The following ICA1 variants were observed in gnomAD, a reference collection of about 807,000 sequenced individuals.
The protein encoded by ICA1 is 69 kDa islet cell autoantigen.
In ICA1, 40 loss-of-function variants were observed where a neutral mutation model predicts 71.0. The ratio of observed to expected loss-of-function variants is 0.56; its 90% CI spans 0.44 to 0.73. The LOEUF (loss-of-function observed/expected upper bound fraction) is 0.73, where lower values mean the gene tolerates loss of function less well. Among genes scored for constraint, ICA1 ranks in the 30% least tolerant of loss-of-function variants. The pLI, the probability that ICA1 is intolerant of heterozygous loss-of-function variation, is 0.00. For missense variants in ICA1, 578 were observed against 576.5 expected (o/e 1.00, Z -0.03); for synonymous variants, 207 against 209.5 (o/e 0.99, Z 0.10).
intron 6 of ICA1, among the ~76,000 whole-genome samples, chr7:8,161,875 G>C (rs568023078): frequency 1.3e-5 from 2 of 152,182 alleles, no homozygotes; most frequent in Non-Finnish European, 2.9e-5. Flanking sequence ...TGAGTGTTAT[G>C]GTTGCTTATT....
chr7:8,160,552 C>A (rs774753119), intron 6 of ICA1, among the ~76,000 whole-genome samples: 3 of 152,182 alleles, frequency 2.0e-5, no homozygotes, highest in Admixed American at 6.5e-5. Flanking sequence ...CCCAGAAATA[C>A]AAGTTTTCCC....
intron 1 of ICA1, among the ~76,000 whole-genome samples, chr7:8,239,150 A>T (rs770681811): frequency 4.6e-5 from 7 of 152,362 alleles, no homozygotes; most frequent in Non-Finnish European, 8.8e-5. Flanking sequence ...CAGTGCTAAC[A>T]TCTCTTTTTA....
In ICA1 at chr7:8,192,310, G is replaced by A. The variant is rs565886933; in HGVS notation, c.579+25995C>T. On this transcript the variant is annotated intron_variant, in intron 6 of 13. Coordinates refer to ENST00000402384, the MANE Select transcript of ICA1 (RefSeq NM_001136020.3). ...GTTCCTGGGTCTGTCTTTTTTCAGG[G>A]CAGGTATTTTAGAGAGTGTTCCACA... Among the ~76,000 whole-genome samples, 20 of 152,126 alleles carry A rather than the reference G, an allele frequency of 1.3e-4. No individual in the cohort carries two copies. The East Asian group carries it at 3.9e-3, about 29-fold the overall frequency.
At position 8,163,964 on chromosome 7, in the gene ICA1, T is replaced by C. The variant is rs115356817; in HGVS notation, c.580-5312A>G. The stretch of plus-strand genomic sequence containing the variant: ...AGGATCCTATTTTCAGTTTGAAAGA[T>C]TACTCACTGCAGTGGGAGATGGACT... On this transcript the variant is annotated intron_variant, in intron 6 of 13. Transcript: ENST00000402384. Among the ~76,000 whole-genome samples, 642 of 152,182 alleles carry C rather than the reference T, an allele frequency of 4.2e-3. 1 individual carries two copies. Among genetic ancestry groups the C allele is most frequent in the African/African-American group, 0.015 (625 of 41,526 alleles).
chr7:8,215,689 G>A (rs1209436057), intron 6 of ICA1, among the ~76,000 whole-genome samples: 1 of 152,194 alleles, frequency 6.6e-6, no homozygotes, highest in African/African-American at 2.4e-5. Flanking sequence ...ACATCCATGA[G>A]GTATGAATTA....
At chr7:8,135,667 T>G (rs1793162169) in intron 12 of ICA1, among the ~76,000 whole-genome samples, 1 of 152,246 alleles carries the variant, frequency 6.6e-6, no homozygotes, top group South Asian at 2.1e-4. Flanking sequence ...TGGTACCTAC[T>G]GAATGAGCTA....
At chr7:8,175,761 C>T (rs1400589735) in intron 6 of ICA1, among the ~76,000 whole-genome samples, 3 of 152,184 alleles carry the variant, frequency 2.0e-5, no homozygotes, top group Non-Finnish European at 4.4e-5. Flanking sequence ...ACAGAGCACA[C>T]CAATGCCTCA....
Position 8,231,170 on chromosome 7 carries a change from G to A in ICA1, c.183+1420C>T, listed in dbSNP as rs138390393. ...CCTGAACTATGAGAAGGGAAGATGT[G>A]GGGAAACAGTGTCCAGGTGGAAGCC... On this transcript the variant is annotated intron_variant, in intron 3 of 13. Coordinates refer to ENST00000402384, the MANE Select transcript of ICA1 (RefSeq NM_001136020.3). Among the ~76,000 whole-genome samples the A allele has an allele frequency of 5.1e-3, 770 of 152,234 alleles. 8 individuals carry two copies. Among genetic ancestry groups the A allele is most frequent in the African/African-American group, 0.018 (727 of 41,514 alleles).
intron 1 of ICA1, among the ~76,000 whole-genome samples, chr7:8,247,855 T>A (rs1806634203): frequency 6.6e-6 from 1 of 152,340 alleles, no homozygotes; most frequent in Admixed American, 6.5e-5. Context: ...CTTGAGCCAA[T>A]CCTTGTTCAG....
intron 8 of ICA1, 196 bp downstream of exon 8, chr7:8,156,920 C>T (rs930824432): frequency 8.5e-6 from 13 of 1,525,492 alleles, no homozygotes; most frequent in African/African-American, 7.1e-5. Context: ...GTATTGAATC[C>T]TGATGCAGTA....
At chr7:8,140,288 C>T (rs1794770737) in intron 10 of ICA1, among the ~76,000 whole-genome samples, 1 of 152,108 alleles carries the variant, frequency 6.6e-6, no homozygotes, top group Non-Finnish European at 1.5e-5. Flanking sequence ...AAGAGCAGGC[C>T]CAGCTGCTCC....
intron 6 of ICA1, among the ~76,000 whole-genome samples, chr7:8,202,171 G>A (rs1789941784): frequency 6.6e-6 from 1 of 152,246 alleles, no homozygotes; most frequent in African/African-American, 2.4e-5. Flanking sequence ...CAACTGACAA[G>A]TGTAGAAGAC....
At chr7:8,128,225 G>A (rs1440115271) in intron 12 of ICA1, 83 bp from the exon 13 acceptor site, 21 of 1,391,230 alleles carry the variant, frequency 1.5e-5, no homozygotes, top group Non-Finnish European at 2.0e-5. Flanking sequence ...TGCGAAGGGG[G>A]AGACTGGTTG....
intron 1 of ICA1, among the ~76,000 whole-genome samples, chr7:8,259,705 G>A (rs1811554270): frequency 6.6e-6 from 1 of 152,194 alleles, no homozygotes. Context: ...CACACGGCTA[G>A]TTAGGTGTTA....
In ICA1 at chr7:8,218,309, C is replaced by T; in HGVS notation, c.575G>A (p.Arg192Lys). 3 of 1,614,112 alleles carry T rather than the reference C, an allele frequency of 1.9e-6. No individual in the cohort carries two copies. The highest frequency in any genetic ancestry group is 2.5e-6 in the Non-Finnish European group (3 of 1,179,948). The change falls in exon 6 of 14, where the codon AGG becomes AAG. Residue 192 changes from arginine (R) to lysine (K), a missense_variant. Physicochemically the swap from Arg to Lys is conservative, Grantham distance 26 (BLOSUM62 2). Transcript: ENST00000402384. ...PDLYKQMEKF[R>K]KVQTQVRLAK... ...AACCCTCATAAAACCTCCTACCTTC[C>T]TGAACTTCTCCATTTGCTTGTAGAG...
chr7:8,144,104 A>T lies in ICA1; in HGVS notation c.805-132T>A. Reference sequence around the variant, plus strand: ...TCCCAGCAACCAAACTTTGAATTACAGGTATTGGGAGGTGACCTTGAACCA... The same window carrying T: ...TCCCAGCAACCAAACTTTGAATTACTGGTATTGGGAGGTGACCTTGAACCA... On this transcript the variant is annotated intron_variant, in intron 8 of 13. Coordinates refer to ENST00000402384, the MANE Select transcript of ICA1 (RefSeq NM_001136020.3). The surrounding 1 kb of genome is among the most constrained non-coding windows in gnomAD (Gnocchi z 4.5). 1 of 617,710 alleles carries T rather than the reference A, an allele frequency of 1.6e-6. No individual in the cohort carries two copies. Among genetic ancestry groups the T allele is most frequent in the Non-Finnish European group, 2.8e-6 (1 of 352,394 alleles). The allele number at this position is 617,710 out of a possible 1,614,324, so 38.3% of individuals were successfully genotyped here.
chr7:8,253,207 T>C (rs1250676247), intron 1 of ICA1, among the ~76,000 whole-genome samples: 2 of 152,250 alleles, frequency 1.3e-5, no homozygotes, highest in East Asian at 3.8e-4. Context: ...CTTAAACAGT[T>C]ATTTCTGCTC....
At chr7:8,217,402 G>A (rs1463794689) in intron 6 of ICA1, among the ~76,000 whole-genome samples, 6 of 152,114 alleles carry the variant, frequency 3.9e-5, no homozygotes, top group Non-Finnish European at 5.9e-5. Context: ...AACCTCCAAC[G>A]CAAGTGATGG....
At chr7:8,261,001 A>G (rs891153964) in intron 1 of ICA1, among the ~76,000 whole-genome samples, 11 of 152,222 alleles carry the variant, frequency 7.2e-5, no homozygotes, top group African/African-American at 2.4e-4. Flanking sequence ...TAGGACCTTA[A>G]TGGCCAATAA....
Sources: allele counts gnomAD v4.1 joint callset (sites outside exome capture counted in the v4.1 genomes callset), GRCh38; gene constraint gnomAD v4.1.1; non-coding constraint Gnocchi (gnomAD v3.1); transcripts MANE v1.5; gene names NCBI Gene and HGNC (gene_info 2026-07-23, HGNC 2026-07-21).